Variants in VPS13B observed in about 807,000 individuals in gnomAD.
VPS13B encodes intermembrane lipid transfer protein VPS13B.
VPS13B carries 285 observed loss-of-function variants against 426.4 expected under a neutral mutation model. That is an observed-to-expected ratio of 0.67 (90% CI 0.61 to 0.74). VPS13B has a LOEUF of 0.74. Among genes scored for constraint, VPS13B ranks in the 30% least tolerant of loss-of-function variants. The pLI is 0.00. For synonymous variants in VPS13B, 1,676 were observed against 1,676.4 expected, an observed-to-expected ratio of 1.00 and a Z score of 0.01; for missense variants, 4,537 against 4,782.6, an observed-to-expected ratio of 0.95 and a Z score of 1.51.
intron 19 of VPS13B, chr8:99,341,759 A>C: frequency 2.5e-6 from 1 of 393,722 alleles, no homozygotes; most frequent in South Asian, 2.4e-5. Flanking sequence ...TAACATCAGC[A>C]ATCTGGGTCA....
At chr8:99,478,074 G>T (rs946435694) in intron 24 of VPS13B, among the ~76,000 whole-genome samples, 1 of 148,962 alleles carries the variant, frequency 6.7e-6, no homozygotes, top group Non-Finnish European at 1.5e-5. Context: ...ATAACAACAT[G>T]CTGTCTTTAT....
intron 19 of VPS13B, among the ~76,000 whole-genome samples, chr8:99,366,016 G>T (rs1812863941): frequency 2.0e-5 from 3 of 150,888 alleles, no homozygotes; most frequent in South Asian, 2.1e-4. Flanking sequence ...GACCTAACAT[G>T]TGATTTGTCC....
intron 4 of VPS13B, among the ~76,000 whole-genome samples, chr8:99,099,394 C>T (rs1343901023): frequency 6.6e-6 from 1 of 152,162 alleles, no homozygotes; most frequent in Non-Finnish European, 1.5e-5. Context: ...ACCAAGTCAT[C>T]AACCGTGGCA....
intron 55 of VPS13B, 31 bp downstream of exon 55, chr8:99,848,925 TAGTA>T: frequency 6.4e-7 from 1 of 1,565,780 alleles, no homozygotes; most frequent in Non-Finnish European, 8.8e-7. Context: ...AGTGACAACA[TAGTA>T]AGTGTTACTG....
chr8:99,820,953 A>G (rs554106573), intron 49 of VPS13B, among the ~76,000 whole-genome samples: 1 of 152,176 alleles, frequency 6.6e-6, no homozygotes, highest in East Asian at 1.9e-4. Context: ...AAATGAGATG[A>G]AACCTTCAGT....
In VPS13B at chr8:99,717,460, T is replaced by G; in HGVS notation, c.6657+87T>G. 4.8e-6 allele frequency: 6 copies of G among 1,248,288 alleles called. No individual in the cohort carries two copies. In the South Asian group the frequency reaches 7.7e-5, roughly 16 times the overall value. The allele number at this position is 1,248,288 out of a possible 1,614,324, so 77.3% of individuals were successfully genotyped here. A position where few individuals can be genotyped will look rare whatever the true frequency, so the allele number is the denominator to read the frequency against. The stretch of plus-strand genomic sequence containing the variant: ...AACTGTTTCACTAAATTTTAAATCT[T>G]TGTGTGGTAAGAAAGGGTATTTGTC... On this transcript the variant is annotated intron_variant, in intron 37 of 61. Coordinates refer to ENST00000357162, the MANE Select transcript of VPS13B (RefSeq NM_152564.5).
chr8:99,046,471 G>A (rs1352647500), intron 3 of VPS13B, among the ~76,000 whole-genome samples: 1 of 151,884 alleles, frequency 6.6e-6, no homozygotes, highest in Non-Finnish European at 1.5e-5. Flanking sequence ...GGTTTTCTAG[G>A]TAAACAATGA....
intron 20 of VPS13B, among the ~76,000 whole-genome samples, chr8:99,385,750 G>T (rs1183839763): frequency 6.6e-6 from 1 of 152,182 alleles, no homozygotes; most frequent in Non-Finnish European, 1.5e-5. Flanking sequence ...AGGGTAGTGT[G>T]TGAAAAGGAG....
intron 17 of VPS13B, among the ~76,000 whole-genome samples, chr8:99,215,437 A>G (rs1815330021): frequency 1.3e-5 from 2 of 152,186 alleles, no homozygotes; most frequent in Non-Finnish European, 2.9e-5. Context: ...GACCATCCTT[A>G]CTTTAGAGAG....
chr8:99,819,376 T>G (rs1289074109), intron 47 of VPS13B, 36 bp from the exon 48 acceptor site: 1 of 1,607,720 alleles, frequency 6.2e-7, no homozygotes, highest in South Asian at 1.1e-5. Flanking sequence ...TTTAGAAATC[T>G]GATAATTATT....
intron 35 of VPS13B, chr8:99,696,551 G>C: frequency 2.0e-6 from 1 of 499,978 alleles, no homozygotes; most frequent in Non-Finnish European, 3.7e-6. Flanking sequence ...TGACCATGAA[G>C]CTCTTCCCCA....
rs1419873898 is a variant in VPS13B, at chr8:99,297,016, A to G, written c.2824+21762A>G. On this transcript the variant is annotated intron_variant, in intron 19 of 61. Transcript: ENST00000357162. ...TAAATATTTGTGTATTTATATATATATATATGAGGGGGAGGGATTTTTTGA... is the reference window on the plus strand; with the variant it reads ...TAAATATTTGTGTATTTATATATATGTATATGAGGGGGAGGGATTTTTTGA... 2.0e-5 allele frequency among the ~76,000 whole-genome samples: 3 copies of G among 152,150 alleles called. No individual in the cohort carries two copies. The East Asian group carries it at 5.8e-4, about 29-fold the overall frequency.
chr8:99,858,754 T>C (rs1816682474), intron 56 of VPS13B, among the ~76,000 whole-genome samples: 1 of 152,174 alleles, frequency 6.6e-6, no homozygotes, highest in South Asian at 2.1e-4. Flanking sequence ...CCAAGACATT[T>C]GTCTGGGTCT....
chr8:99,546,133 T>G (rs895141165), intron 30 of VPS13B, among the ~76,000 whole-genome samples: 1 of 152,036 alleles, frequency 6.6e-6, no homozygotes, highest in Non-Finnish European at 1.5e-5. Context: ...TTCCTATTCT[T>G]TCTTCTTGAC....
rs185997850 is a variant in VPS13B, at chr8:99,305,737, G to C, written c.2824+30483G>C. On this transcript the variant is annotated intron_variant, in intron 19 of 61. Coordinates refer to ENST00000357162, the MANE Select transcript of VPS13B (RefSeq NM_152564.5). ...TAAAAATCTTTGGTAAAAGTTACAT[G>C]ATAAACCTGTCTTTAATGGGAGATG... is the stretch of plus-strand genomic sequence containing the variant. 1.2e-4 allele frequency among the ~76,000 whole-genome samples: 18 copies of C among 152,192 alleles called. No homozygotes were observed. The East Asian group carries it at 2.7e-3, about 23-fold the overall frequency.
chr8:99,501,011 T>C (rs1345354232), intron 25 of VPS13B, among the ~76,000 whole-genome samples: 1 of 152,214 alleles, frequency 6.6e-6, no homozygotes, highest in African/African-American at 2.4e-5. Context: ...CGGATAAGCT[T>C]ATGCTCTATT....
At chr8:99,774,045 C>A (rs1811632635) in intron 40 of VPS13B, among the ~76,000 whole-genome samples, 1 of 151,946 alleles carries the variant, frequency 6.6e-6, no homozygotes, top group African/African-American at 2.4e-5. Context: ...TCATTTTAAT[C>A]CTTAGGTAAA....
chr8:99,533,433 A>G (rs552894861), intron 30 of VPS13B, among the ~76,000 whole-genome samples: 1 of 152,300 alleles, frequency 6.6e-6, no homozygotes, highest in East Asian at 1.9e-4. Context: ...TTCTCTTGTT[A>G]TGTATATACT....
At chr8:99,029,763 G>A (rs1456831982) in intron 2 of VPS13B, among the ~76,000 whole-genome samples, 4 of 151,104 alleles carry the variant, frequency 2.6e-5, no homozygotes, top group Admixed American at 6.6e-5. Context: ...GAGGGAGACC[G>A]TGGAAGGAGA....
Sources: gnomAD v4.1 joint callset for allele counts (sites outside exome capture counted in the v4.1 genomes callset) on GRCh38, gnomAD v4.1.1 for gene constraint, MANE v1.5 for transcripts, NCBI Gene and HGNC (gene_info 2026-07-23, HGNC 2026-07-21) for gene names.